KIF16B: variants seen among roughly 807,000 people sequenced by gnomAD.
KIF16B encodes kinesin-like protein KIF16B.
Under a neutral mutation model 156.3 loss-of-function variants are expected in KIF16B, and 98 were observed. The observed-to-expected ratio is 0.63, with a 90% confidence interval of 0.53 to 0.74. The LOEUF is 0.74. Among genes scored for constraint, KIF16B ranks in the 30% least tolerant of loss-of-function variants. The probability of loss-of-function intolerance (pLI) is 0.00; values close to 1 mark genes in which losing one functional copy is unlikely to be tolerated. For synonymous variants in KIF16B, 564 were observed against 583.7 expected (o/e 0.97, Z 0.49); for missense variants, 1,421 against 1,606.5 (o/e 0.88, Z 1.97).
intron 15 of KIF16B, among the ~76,000 whole-genome samples, chr20:16,410,194 CATAT>C (rs1453164672): frequency 1.0e-5 from 1 of 96,032 alleles, no homozygotes; most frequent in African/African-American, 4.5e-5. Flanking sequence ...GGTACATATA[CATAT>C]ATGTAGGTAC....
chr20:16,346,595 C>A (rs2064238812), intron 23 of KIF16B, among the ~76,000 whole-genome samples: 1 of 152,216 alleles, frequency 6.6e-6, no homozygotes, highest in Non-Finnish European at 1.5e-5. Flanking sequence ...CTGCCTTTTG[C>A]AATAACCAGA....
intron 12 of KIF16B, among the ~76,000 whole-genome samples, chr20:16,474,718 C>T (rs1324536179): frequency 6.6e-6 from 1 of 152,152 alleles, no homozygotes; most frequent in East Asian, 1.9e-4. Context: ...AAGGGAGAGA[C>T]CAAGAGAATT....
In KIF16B at chr20:16,549,210, TC is replaced by T. The variant is rs536954294; in HGVS notation, c.48-20771del. Among the ~76,000 whole-genome samples, 1,008 of 118,078 alleles carry T rather than the reference TC, an allele frequency of 8.5e-3. 12 individuals are homozygous for T. The highest frequency in any genetic ancestry group is 0.03 in the African/African-American group (947 of 31,272). 77.5% of individuals were successfully genotyped at this position (118,078 alleles called of 152,430 possible). ...CCCCCCTCCCCCTACCCCACCACAG[TC>T]CCCAGAGTGTGATATTCCCCCTCCT... On this transcript the variant is annotated intron_variant, in intron 1 of 25. Transcript: ENST00000354981.
At chr20:16,476,643 G>A in intron 12 of KIF16B, among the ~76,000 whole-genome samples, 1 of 152,196 alleles carries the variant, frequency 6.6e-6, no homozygotes, top group East Asian at 1.9e-4. Flanking sequence ...GCTAAATCTT[G>A]TCTCCAAATT....
intron 22 of KIF16B, among the ~76,000 whole-genome samples, chr20:16,370,328 G>A (rs1180506767): frequency 1.3e-5 from 2 of 152,032 alleles, no homozygotes; most frequent in African/African-American, 4.8e-5. Context: ...GCAGACCAAG[G>A]GAAAATATAC....
At chr20:16,528,688 A>G (rs899589560) in intron 1 of KIF16B, among the ~76,000 whole-genome samples, 6 of 152,306 alleles carry the variant, frequency 3.9e-5, no homozygotes, top group African/African-American at 1.2e-4. Context: ...AGAATTTCCA[A>G]TTGTAAGCCA....
At chr20:16,367,316 C>A (rs777293271) in intron 22 of KIF16B, 2 of 1,612,838 alleles carry the variant, frequency 1.2e-6, no homozygotes, top group Non-Finnish European at 1.7e-6. Context: ...TTTCTGGAAC[C>A]CACTGAAGGT....
chr20:16,374,304 C>A lies in KIF16B; in HGVS notation c.3303G>T (p.Leu1101Phe), dbSNP rs61738023. ...GGTGTGATTTTTCAGCACTGACTGG[C>A]AAGCTGGAAGAAGCCACCTTCCCTT... Reference protein sequence around the residue: ...TLEGKVASSSLPVSAEKSHLV... With the variant: ...TLEGKVASSSFPVSAEKSHLV... Residue 1101 changes from leucine to phenylalanine, a missense_variant, in exon 20 of 26, where the codon TTG (leucine) becomes TTT (phenylalanine). Physicochemically the swap from Leu to Phe is conservative, Grantham distance 22 (BLOSUM62 0). Coordinates refer to ENST00000354981, the MANE Select transcript of KIF16B (RefSeq NM_024704.5). The A allele has an allele frequency of 0.023, 36,394 of 1,603,926 alleles. 613 individuals are homozygous for A. Among genetic ancestry groups the A allele is most frequent in the South Asian group, 0.049 (4,353 of 88,938 alleles).
At chr20:16,458,103 C>T (rs1029030274) in intron 12 of KIF16B, among the ~76,000 whole-genome samples, 2 of 152,066 alleles carry the variant, frequency 1.3e-5, no homozygotes, top group Non-Finnish European at 2.9e-5. Context: ...TTGCTGTGAG[C>T]CACTTTACTG....
At chr20:16,444,252 A>C (rs750856968) in intron 12 of KIF16B, among the ~76,000 whole-genome samples, 2 of 152,242 alleles carry the variant, frequency 1.3e-5, no homozygotes, top group Non-Finnish European at 2.9e-5. Flanking sequence ...ATGACCCAGC[A>C]GTTCCACCCC....
intron 13 of KIF16B, 32 bp from the exon 14 acceptor site, chr20:16,429,036 TAAG>T (rs764274610): frequency 7.2e-5 from 113 of 1,568,778 alleles, no homozygotes; most frequent in Non-Finnish European, 9.4e-5. Context: ...AATGTATTAG[TAAG>T]AAGAGAAGGA....
intron 23 of KIF16B, among the ~76,000 whole-genome samples, chr20:16,353,253 C>CT (rs2064375329): frequency 6.6e-6 from 1 of 152,084 alleles, no homozygotes; most frequent in South Asian, 2.1e-4. Context: ...ATAAGCATGA[C>CT]TATTTGTTCT....
intron 12 of KIF16B, among the ~76,000 whole-genome samples, chr20:16,441,707 C>T (rs991815347): frequency 6.6e-6 from 1 of 152,160 alleles, no homozygotes; most frequent in African/African-American, 2.4e-5. Flanking sequence ...AATGACACCT[C>T]TATCCTGCTG....
At chr20:16,301,102 A>T (rs1293683386) in intron 25 of KIF16B, among the ~76,000 whole-genome samples, 1 of 152,168 alleles carries the variant, frequency 6.6e-6, no homozygotes, top group Non-Finnish European at 1.5e-5. Context: ...ATCTTTTCAA[A>T]TTGTCTTCTT....
chr20:16,441,574 A>G lies in KIF16B; in HGVS notation c.1303-11592T>C, dbSNP rs77915568. On this transcript the variant is annotated intron_variant, in intron 12 of 25. Coordinates refer to ENST00000354981, the MANE Select transcript of KIF16B (RefSeq NM_024704.5). ...TTTGAAATGTCAAAATATCAAAAAAATATCAGGCTTGTGCCCACACCAGAT... is the reference window on the plus strand; with the variant it reads ...TTTGAAATGTCAAAATATCAAAAAAGTATCAGGCTTGTGCCCACACCAGAT... Among the ~76,000 whole-genome samples, 1,255 of 152,334 alleles carry G rather than the reference A, an allele frequency of 8.2e-3. 11 individuals carry two copies. Among genetic ancestry groups the G allele is most frequent in the Non-Finnish European group, 0.014 (931 of 68,038 alleles).
chr20:16,477,965 C>T (rs1242705697), intron 12 of KIF16B, among the ~76,000 whole-genome samples: 1 of 152,046 alleles, frequency 6.6e-6, no homozygotes, highest in Non-Finnish European at 1.5e-5. Flanking sequence ...GGCTCCAGAC[C>T]ACGGCAATGG....
In KIF16B at chr20:16,544,854, GATGA is replaced by G. The variant is rs145984561; in HGVS notation, c.48-16418_48-16415del. ...CTGTCCTCATATACAGCAAACACTTGATGAATGAATGAATGAATGAATGAATGTA... is the reference window on the plus strand; with the variant it reads ...CTGTCCTCATATACAGCAAACACTTGATGAATGAATGAATGAATGAATGTA... On this transcript the variant is annotated intron_variant, in intron 1 of 25. Transcript: ENST00000354981. 4.3e-3 allele frequency among the ~76,000 whole-genome samples: 654 copies of G among 151,962 alleles called. 5 individuals carry two copies. Among genetic ancestry groups the G allele is most frequent in the African/African-American group, 0.015 (620 of 41,460 alleles).
intron 12 of KIF16B, among the ~76,000 whole-genome samples, chr20:16,478,288 A>C (rs2067875820): frequency 6.6e-6 from 1 of 152,234 alleles, no homozygotes; most frequent in Non-Finnish European, 1.5e-5. Context: ...TAGAGTGCAT[A>C]ACATGAAAAG....
chr20:16,374,223 A>T, intron 20 of KIF16B, 34 bp downstream of exon 20: 1 of 1,505,828 alleles, frequency 6.6e-7, no homozygotes, highest in Non-Finnish European at 8.9e-7. Context: ...GTCACATCAA[A>T]TGAGAAGCCT....
Sources: allele counts gnomAD v4.1 joint callset (sites outside exome capture counted in the v4.1 genomes callset), GRCh38; gene constraint gnomAD v4.1.1; transcripts MANE v1.5; gene names NCBI Gene and HGNC (gene_info 2026-07-23, HGNC 2026-07-21).